Variants in ANK2 observed in about 807,000 individuals in gnomAD.
ANK2 encodes ankyrin-2.
In ANK2, 83 loss-of-function variants were observed where a neutral mutation model predicts 360.5. The observed-to-expected ratio is 0.23, with a 90% confidence interval of 0.19 to 0.28. The LOEUF is 0.28. Ranked by LOEUF, ANK2 falls within the 10% of genes least tolerant of loss-of-function variation. The pLI is 1.00. For synonymous variants in ANK2, 1,740 were observed against 1,759.5 expected (o/e 0.99, Z 0.28); for missense variants, 4,201 against 4,795.7 (o/e 0.88, Z 3.66).
chr4:113,376,460 T>G (rs2096937398), intron 45 of ANK2, among the ~76,000 whole-genome samples: 2 of 152,154 alleles, frequency 1.3e-5, no homozygotes, highest in African/African-American at 4.8e-5. Flanking sequence ...GGAGAGTCAG[T>G]GAGTGAGTGG....
upstream of ANK2, among the ~76,000 whole-genome samples, chr4:112,815,583 A>G (rs1205116911): frequency 6.6e-6 from 1 of 152,242 alleles, no homozygotes; most frequent in Non-Finnish European, 1.5e-5. Context: ...AGATAGCTTC[A>G]GGATGGGAAC....
At chr4:112,819,524 C>CTT (rs111866514) in intron 1 of ANK2, among the ~76,000 whole-genome samples, 4 of 150,846 alleles carry the variant, frequency 2.7e-5, no homozygotes, top group South Asian at 2.1e-4. Flanking sequence ...GAGTTTTGTC[C>CTT]TTTTTTTTTA....
At chr4:112,808,553 A>G in the ANK2 span, among the ~76,000 whole-genome samples, 3 of 152,234 alleles carry the variant, frequency 2.0e-5, no homozygotes, top group African/African-American at 7.2e-5. Context: ...TATTGTAGGG[A>G]TGATAATTCT....
the ANK2 span, among the ~76,000 whole-genome samples, chr4:112,796,141 G>A: frequency 5.3e-5 from 8 of 152,036 alleles, no homozygotes; most frequent in East Asian, 3.9e-4. Context: ...TATACATATC[G>A]TGGTTGAGTG....
At chr4:113,098,293 G>T (rs200467534) in intron 1 of ANK2, among the ~76,000 whole-genome samples, 1 of 151,844 alleles carries the variant, frequency 6.6e-6, no homozygotes, top group East Asian at 1.9e-4. Flanking sequence ...GATATATAAA[G>T]TTGATAAAAT....
intron 1 of ANK2, among the ~76,000 whole-genome samples, chr4:113,095,090 T>G (rs557933214): frequency 6.6e-6 from 1 of 152,152 alleles, no homozygotes; most frequent in African/African-American, 2.4e-5. Context: ...AATAGAACAT[T>G]AGATCTTCAA....
chr4:113,256,098 T>A (rs548101110), intron 11 of ANK2, among the ~76,000 whole-genome samples, 166 bp downstream of exon 11: 1 of 152,380 alleles, frequency 6.6e-6, no homozygotes, highest in African/African-American at 2.4e-5. Flanking sequence ...ACATTCATAG[T>A]TTGTTAGCAA....
intron 26 of ANK2, among the ~76,000 whole-genome samples, chr4:113,327,434 G>A (rs968337503): frequency 4.6e-5 from 7 of 152,154 alleles, no homozygotes; most frequent in African/African-American, 1.7e-4. Context: ...AATTCTGACT[G>A]CTCTGATTGT....
At chr4:112,708,118 T>A in the ANK2 span, among the ~76,000 whole-genome samples, 7 of 152,346 alleles carry the variant, frequency 4.6e-5, no homozygotes, top group East Asian at 9.6e-4. Flanking sequence ...TGCCTGAAAG[T>A]GATTTTGAGC....
chr4:112,823,033 GACTCCCGCGTTATTTGCTTAA>G (rs1484500706), intron 1 of ANK2, among the ~76,000 whole-genome samples: 1 of 152,176 alleles, frequency 6.6e-6, no homozygotes, highest in African/African-American at 2.4e-5. Flanking sequence ...GTAAGGGTAA[GACTCCCGCGTTATTTGCTTAA>G]AATAACGCAC....
intron 2 of ANK2, among the ~76,000 whole-genome samples, chr4:113,010,722 CCAAA>C (rs1363780835): frequency 6.6e-6 from 1 of 151,976 alleles, no homozygotes; most frequent in African/African-American, 2.4e-5. Flanking sequence ...AAATCCATAC[CCAAA>C]CAGAGTATTT....
intron 2 of ANK2, among the ~76,000 whole-genome samples, chr4:113,014,459 A>C (rs917157345): frequency 6.6e-6 from 1 of 152,188 alleles, no homozygotes; most frequent in Non-Finnish European, 1.5e-5. Flanking sequence ...AACTCACCCA[A>C]GGTTGCATGA....
At chr4:112,817,460 C>T (rs967063615), upstream of ANK2, among the ~76,000 whole-genome samples, 1 of 152,076 alleles carries the variant, frequency 6.6e-6, no homozygotes, top group African/African-American at 2.4e-5. Flanking sequence ...GCCTATCCGT[C>T]CAGGTCTGTA....
At chr4:113,188,783 G>T (rs2098597896) in intron 2 of ANK2, among the ~76,000 whole-genome samples, 1 of 152,014 alleles carries the variant, frequency 6.6e-6, no homozygotes, top group African/African-American at 2.4e-5. Context: ...ATGTGTTAAT[G>T]GTAACCAATT....
At chr4:113,362,598 C>G (rs956945295) in intron 39 of ANK2, among the ~76,000 whole-genome samples, 2 of 152,124 alleles carry the variant, frequency 1.3e-5, no homozygotes, top group Non-Finnish European at 2.9e-5. Flanking sequence ...GCAAACACTA[C>G]CATGCCCAGC....
At chr4:112,772,356 G>A in the ANK2 span, among the ~76,000 whole-genome samples, 1 of 152,068 alleles carries the variant, frequency 6.6e-6, no homozygotes, top group African/African-American at 2.4e-5. Flanking sequence ...GGGAGAAACC[G>A]CCCTCATGAT....
At chr4:112,994,918 CA>C (rs1485537331) in intron 2 of ANK2, among the ~76,000 whole-genome samples, 5 of 152,188 alleles carry the variant, frequency 3.3e-5, no homozygotes, top group African/African-American at 1.2e-4. Context: ...AGCCATGCTG[CA>C]GCAAAGGACA....
rs1315052817 is a variant in ANK2 at position 113,353,413 on chromosome 4, G to C, written c.4795G>C (p.Glu1599Gln). The C allele has an allele frequency of 6.2e-7, 1 of 1,613,954 alleles. No homozygotes were observed. Among genetic ancestry groups the C allele is most frequent in the Non-Finnish European group, 8.5e-7 (1 of 1,179,976 alleles). ...EEEWVIVSDE[E>Q]IEEARQKAPL... ...GGAATGGGTTATTGTCAGTGATGAG[G>C]AAATAGAAGAGGCTAGGCAAAAAGC... is the stretch of plus-strand genomic sequence containing the variant. Residue 1599 changes from glutamate to glutamine, a missense_variant, in exon 38 of 46, where the codon GAA becomes CAA. Coordinates refer to ENST00000357077, the MANE Select transcript of ANK2 (RefSeq NM_001148.6).
At chr4:113,330,515 G>A (rs1256938687) in intron 27 of ANK2, 45 bp downstream of exon 27, 5 of 1,585,812 alleles carry the variant, frequency 3.2e-6, no homozygotes, top group Non-Finnish European at 3.5e-6. Context: ...CGATGAGCTT[G>A]TGTCCTCTAC....
Sources: gnomAD v4.1 joint callset for allele counts (sites outside exome capture counted in the v4.1 genomes callset) on GRCh38, gnomAD v4.1.1 for gene constraint, MANE v1.5 for transcripts, NCBI Gene and HGNC (gene_info 2026-07-23, HGNC 2026-07-21) for gene names.